The following SYT1 variants were observed in gnomAD, a reference collection of about 807,000 sequenced individuals.
SYT1 encodes synaptotagmin 1.
In SYT1, 8 loss-of-function variants were observed where a neutral mutation model predicts 44.8. The observed-to-expected ratio is 0.18, with a 90% CI of 0.10 to 0.32. SYT1 has a LOEUF of 0.32. SYT1 is among the 10% of genes least tolerant of loss of function. The probability of loss-of-function intolerance (pLI) is 1.00; values close to 1 mark genes in which losing one functional copy is unlikely to be tolerated. For synonymous variants in SYT1, 154 were observed against 188.8 expected, an observed-to-expected ratio of 0.82 and a Z score of 1.51; for missense variants, 286 against 509.3, an observed-to-expected ratio of 0.56 and a Z score of 4.22.
chr12:78,977,571 GTTC>G (rs1868938737), intron 1 of SYT1: 2 of 152,266 alleles, frequency 1.3e-5, no homozygotes, highest in East Asian at 1.9e-4. Context: ...TGAAATGTTT[GTTC>G]TTCTAGATTT....
At chr12:78,931,426 A>T (rs1430113410) in intron 1 of SYT1, among the ~76,000 whole-genome samples, 1 of 148,756 alleles carries the variant, frequency 6.7e-6, no homozygotes, top group African/African-American at 2.5e-5. Context: ...GAAGGAAGGA[A>T]GGAAGGAAAA....
At chr12:79,101,127 TG>T (rs1878421427) in intron 3 of SYT1, among the ~76,000 whole-genome samples, 1 of 152,188 alleles carries the variant, frequency 6.6e-6, no homozygotes, top group Admixed American at 6.5e-5. Context: ...TACCTTAAAA[TG>T]TAAGGTAAGA....
At chr12:79,251,216 A>G (rs1877192949) in intron 4 of SYT1, among the ~76,000 whole-genome samples, 1 of 152,052 alleles carries the variant, frequency 6.6e-6, no homozygotes, top group African/African-American at 2.4e-5. Flanking sequence ...ACTTATATCC[A>G]CCCTTAAAGA....
intron 4 of SYT1, among the ~76,000 whole-genome samples, chr12:79,255,190 A>T (rs1439268029): frequency 1.3e-5 from 2 of 152,206 alleles, no homozygotes; most frequent in Non-Finnish European, 2.9e-5. Context: ...ATTTTAAGAA[A>T]TTGCCACAGC....
At chr12:78,922,337 C>T (rs1877053433) in intron 1 of SYT1, among the ~76,000 whole-genome samples, 1 of 151,822 alleles carries the variant, frequency 6.6e-6, no homozygotes, top group Non-Finnish European at 1.5e-5. Context: ...CTTGGAGTTG[C>T]AAGACCTCGC....
At chr12:78,896,387 T>C (rs1294786094) in intron 1 of SYT1, among the ~76,000 whole-genome samples, 2 of 151,736 alleles carry the variant, frequency 1.3e-5, no homozygotes, top group Non-Finnish European at 2.9e-5. Context: ...GGATAAATTA[T>C]GAAAGAAAAT....
At chr12:79,071,235 T>C (rs1432348532) in intron 3 of SYT1, among the ~76,000 whole-genome samples, 1 of 151,992 alleles carries the variant, frequency 6.6e-6, no homozygotes, top group African/African-American at 2.4e-5. Context: ...ACAGAAATCT[T>C]TGTAAATTTT....
At chr12:79,056,173 A>T (rs1319581297) in intron 3 of SYT1, among the ~76,000 whole-genome samples, 2 of 152,010 alleles carry the variant, frequency 1.3e-5, no homozygotes, top group African/African-American at 4.8e-5. Flanking sequence ...ATTTCTCAGG[A>T]TGTACCCCTG....
chr12:79,368,183 T>C (rs1278196539), intron 9 of SYT1, among the ~76,000 whole-genome samples: 6 of 151,942 alleles, frequency 3.9e-5, no homozygotes, highest in Admixed American at 1.3e-4. Flanking sequence ...TTACTGAGAA[T>C]GATGACTTCC....
chr12:79,378,641 C>G (rs1423150528), intron 9 of SYT1, among the ~76,000 whole-genome samples: 1 of 152,186 alleles, frequency 6.6e-6, no homozygotes, highest in Non-Finnish European at 1.5e-5. Context: ...TTACTAGCCT[C>G]ATTGGCTATA....
At chr12:79,044,318 G>C (rs1312668574) in intron 2 of SYT1, among the ~76,000 whole-genome samples, 1 of 152,108 alleles carries the variant, frequency 6.6e-6, no homozygotes, top group Admixed American at 6.5e-5. Flanking sequence ...TGGAAGCTTT[G>C]CTCATTTCTT....
chr12:79,170,828 T>C (rs571203798), intron 3 of SYT1, among the ~76,000 whole-genome samples: 9 of 152,234 alleles, frequency 5.9e-5, no homozygotes, highest in Non-Finnish European at 1.0e-4. Flanking sequence ...TTTTTATAGT[T>C]TGAGGTTTTA....
At chr12:79,378,310 A>G (rs1296282930) in intron 9 of SYT1, among the ~76,000 whole-genome samples, 1 of 152,214 alleles carries the variant, frequency 6.6e-6, no homozygotes, top group Admixed American at 6.5e-5. Flanking sequence ...TATCACAGAT[A>G]TGACCAACTT....
At chr12:79,260,505 A>G (rs1877769012) in intron 4 of SYT1, among the ~76,000 whole-genome samples, 1 of 152,202 alleles carries the variant, frequency 6.6e-6, no homozygotes, top group African/African-American at 2.4e-5. Context: ...AGCCAGTTAA[A>G]CTGTAGGACA....
intron 4 of SYT1, among the ~76,000 whole-genome samples, chr12:79,221,434 A>G (rs886994628): frequency 2.0e-5 from 3 of 152,076 alleles, no homozygotes; most frequent in Admixed American, 1.3e-4. Context: ...TACTACTGCC[A>G]TATTATTAAT....
chr12:78,919,659 G>C (rs1244884308), intron 1 of SYT1, among the ~76,000 whole-genome samples: 17 of 152,012 alleles, frequency 1.1e-4, no homozygotes, highest in Admixed American at 1.1e-3. Context: ...TTGGCTTCTA[G>C]TGAAGGCATT....
chr12:78,936,923 T>A (rs1285137229), intron 1 of SYT1, among the ~76,000 whole-genome samples: 5 of 152,206 alleles, frequency 3.3e-5, no homozygotes, highest in Non-Finnish European at 7.3e-5. Flanking sequence ...AAACTTAGGC[T>A]TCTACCCTCC....
Position 78,955,885 on chromosome 12 carries a change from A to G in SYT1, c.-216-21914A>G, listed in dbSNP as rs74762601. ...AGAAGCACTCAAATGCAATGTCTGC[A>G]CTATCAATTGCATTTTCCCCTATCT... On this transcript the variant is annotated intron_variant, in intron 1 of 10. Coordinates refer to ENST00000261205, the MANE Select transcript of SYT1 (RefSeq NM_005639.3). 6.8e-4 allele frequency among the ~76,000 whole-genome samples: 102 copies of G among 151,092 alleles called. 2 individuals are homozygous for G. In the East Asian group the frequency reaches 0.017, roughly 25 times the overall value.
intron 3 of SYT1, among the ~76,000 whole-genome samples, chr12:79,107,648 A>G (rs1054079402): frequency 1.3e-5 from 2 of 152,030 alleles, no homozygotes; most frequent in African/African-American, 4.8e-5. Flanking sequence ...TCATGCTTAT[A>G]TGCATAGAAT....
Sources: gnomAD v4.1 joint callset for allele counts (sites outside exome capture counted in the v4.1 genomes callset) on GRCh38, gnomAD v4.1.1 for gene constraint, MANE v1.5 for transcripts, NCBI Gene and HGNC (gene_info 2026-07-23, HGNC 2026-07-21) for gene names.